PCSK7: variants seen among roughly 807,000 people sequenced by gnomAD.
PCSK7 encodes the protein proprotein convertase subtilisin/kexin type 7.
Under a neutral mutation model 73.3 loss-of-function variants are expected in PCSK7, and 38 were observed. That is an observed-to-expected ratio of 0.52 (90% CI 0.40 to 0.68). The LOEUF (loss-of-function observed/expected upper bound fraction) is 0.68, where lower values mean the gene tolerates loss of function less well. Among genes scored for constraint, PCSK7 ranks in the 30% least tolerant of loss-of-function variants. The pLI is 0.00. For synonymous variants in PCSK7, 296 were observed against 383.8 expected, an observed-to-expected ratio of 0.77 and a Z score of 2.68; for missense variants, 692 against 991.5, an observed-to-expected ratio of 0.70 and a Z score of 4.06.
chr11:117,204,668 CCA>C lies in PCSK7; in HGVS notation c.*1327_*1328del, dbSNP rs1397748388. 2.1e-6 allele frequency: 1 copy of C among 466,276 alleles called. No homozygotes were observed. The highest frequency in any genetic ancestry group is 2.0e-5 in the African/African-American group (1 of 50,966). The allele number at this position is 466,276 out of a possible 1,614,324, so 28.9% of individuals were successfully genotyped here. On this transcript the variant is annotated 3_prime_UTR_variant, in exon 17 of 17. Transcript: ENST00000320934. ...GGGGTAGCCTGGATGTGGGCCAAGT[CCA>C]CTGTCCTCCTTGGCGGCAAAAGCCC...
intron 5 of PCSK7, 68 bp downstream of exon 5, chr11:117,227,089 G>A (rs1179925018): frequency 1.6e-6 from 2 of 1,240,050 alleles, no homozygotes; most frequent in Non-Finnish European, 1.1e-6. Flanking sequence ...GAGTAGGGAG[G>A]GGTGCAGGAA....
chr11:117,207,000 G>C (rs61905530), intron 15 of PCSK7, 67 bp downstream of exon 15: 21 of 1,533,868 alleles, frequency 1.4e-5, no homozygotes, highest in Non-Finnish European at 1.5e-5. Flanking sequence ...TTCAGAGGGC[G>C]ATGGGCTCCC....
intron 12 of PCSK7, chr11:117,215,364 T>TTTTTTTTTTGTGTGTGTGTGTG (rs57433360): frequency 9.4e-5 from 8 of 84,920 alleles, no homozygotes; most frequent in Non-Finnish European, 1.4e-4. Context: ...CCTGGCTAAT[T>TTTTTTTTTTGTGTGTGTGTGTG]TGTGTGTGTG....
chr11:117,227,448 C>T (rs746962422), intron 4 of PCSK7, 126 bp from the exon 5 acceptor site: 3 of 761,514 alleles, frequency 3.9e-6, no homozygotes, highest in South Asian at 3.0e-5. Flanking sequence ...CATTTCTCAT[C>T]GTTTCTGTTT....
In PCSK7 at chr11:117,218,401, A is replaced by C; in HGVS notation, c.1534+65T>G. 2.3e-6 allele frequency: 2 copies of C among 853,254 alleles called. No individual in the cohort carries two copies. 52.9% of individuals were successfully genotyped at this position (853,254 alleles called of 1,614,324 possible). A position where few individuals can be genotyped will look rare whatever the true frequency, so the allele number is the denominator to read the frequency against. ...GAATCTGGCAGGGAGGACGAGTTTA[A>C]CTTCCTTGTCACCCGGCCCCAAACC... On this transcript the variant is annotated intron_variant, in intron 12 of 16. Coordinates refer to ENST00000320934, the MANE Select transcript of PCSK7 (RefSeq NM_004716.4). The surrounding 1 kb of genome is among the most constrained non-coding windows in gnomAD (Gnocchi z 4.0).
chr11:117,204,709 C>A lies in PCSK7; in HGVS notation c.*1288G>T, dbSNP rs921015202. On this transcript the variant is annotated 3_prime_UTR_variant, in exon 17 of 17. Coordinates refer to ENST00000320934, the MANE Select transcript of PCSK7 (RefSeq NM_004716.4). ...CGGCAAAAGCCCATTGAAGAAGAACCAGCCCAGCCTGCCCCCTATCTTGTC... is the reference window on the plus strand; with the variant it reads ...CGGCAAAAGCCCATTGAAGAAGAACAAGCCCAGCCTGCCCCCTATCTTGTC... The A allele has an allele frequency of 2.9e-5, 11 of 381,276 alleles. No individual in the cohort carries two copies. Among genetic ancestry groups the A allele is most frequent in the African/African-American group, 2.1e-4 (10 of 48,292 alleles). The allele number at this position is 381,276 out of a possible 1,614,324, so 23.6% of individuals were successfully genotyped here.
Position 117,205,649 on chromosome 11 carries a change from C to G in PCSK7, c.*348G>C, listed in dbSNP as rs556964286. 1 of 265,066 alleles carries G rather than the reference C, an allele frequency of 3.8e-6. No individual in the cohort carries two copies. Among genetic ancestry groups the G allele is most frequent in the East Asian group, 5.7e-5 (1 of 17,644 alleles). The allele number at this position is 265,066 out of a possible 1,614,324, so 16.4% of individuals were successfully genotyped here. On this transcript the variant is annotated 3_prime_UTR_variant, in exon 17 of 17. Coordinates refer to ENST00000320934, the MANE Select transcript of PCSK7 (RefSeq NM_004716.4). ...GATGCGCTCCTGGCTATGGCAGGCA[C>G]CTTCTCAACTTATATGTGGGAAGGG...
At chr11:117,227,632 G>C (rs544777166) in intron 4 of PCSK7, among the ~76,000 whole-genome samples, 1 of 152,110 alleles carries the variant, frequency 6.6e-6, no homozygotes, top group Admixed American at 6.5e-5. Flanking sequence ...TAGTAGAGAC[G>C]GGGTTTCACC....
intron 6 of PCSK7, chr11:117,225,559 A>C: frequency 4.1e-6 from 1 of 242,938 alleles, no homozygotes; most frequent in Non-Finnish European, 8.1e-6. Flanking sequence ...CTTCTTGTCC[A>C]GTCCAGCACA....
At chr11:117,217,743 C>T (rs1255206487) in intron 12 of PCSK7, 1 of 152,172 alleles carries the variant, frequency 6.6e-6, no homozygotes, top group Admixed American at 6.5e-5. Context: ...TAAATGACTC[C>T]AGGAAAAAGA....
intron 5 of PCSK7, chr11:117,226,349 T>G (rs1175000720): frequency 3.3e-6 from 1 of 304,490 alleles, no homozygotes; most frequent in African/African-American, 2.1e-5. Flanking sequence ...TTGGTCAGGC[T>G]GGTCTCGAAC....
At chr11:117,228,612 CTTT>C (rs751494008) in intron 3 of PCSK7, among the ~76,000 whole-genome samples, 2,396 of 132,082 alleles carry the variant, frequency 0.018, 69 homozygotes, top group African/African-American at 0.063. Flanking sequence ...TGATACACTT[CTTT>C]TTTTTTTTTT....
At chr11:117,231,864 A>G (rs1200359282) in intron 1 of PCSK7, 163 bp downstream of exon 1, 2 of 152,354 alleles carry the variant, frequency 1.3e-5, no homozygotes, top group Non-Finnish European at 2.9e-5. Context: ...TAGCACCCAC[A>G]TTATCCAGGA....
intron 12 of PCSK7, chr11:117,209,664 G>A (rs1241318487): frequency 1.3e-5 from 2 of 154,346 alleles, no homozygotes; most frequent in Non-Finnish European, 2.9e-5. Flanking sequence ...AGCAAATTAT[G>A]TGAGTGAAAA....
At chr11:117,221,225 C>T (rs1445012142) in intron 9 of PCSK7, 1 of 152,182 alleles carries the variant, frequency 6.6e-6, no homozygotes, top group East Asian at 1.9e-4. Context: ...GAGCAGCTGC[C>T]AAGAGATGTA....
Position 117,224,206 on chromosome 11 carries a change from T to C in PCSK7, c.926A>G (p.Gln309Arg). ...CTGGCGACCAGCAATCACCCCATGT[T>C]GTAAGGCAGCCTGAGGAGCCAAAAC... ...GPHQLGKAAL[Q>R]HGVIAGRQGF... The change falls in exon 8 of 17, where the codon CAA becomes CGA. Residue 309 changes from glutamine to arginine, a missense_variant. Physicochemically the swap from Gln to Arg is conservative, Grantham distance 43. Coordinates refer to ENST00000320934, the MANE Select transcript of PCSK7 (RefSeq NM_004716.4). 1 of 1,614,150 alleles carries C rather than the reference T, an allele frequency of 6.2e-7. No individual in the cohort carries two copies.
At chr11:117,215,837 G>GAA in intron 12 of PCSK7, 1 of 151,710 alleles carries the variant, frequency 6.6e-6, no homozygotes, top group East Asian at 2.0e-4. Flanking sequence ...TATAGGCTAG[G>GAA]TATGAGCTAC....
chr11:117,216,935 A>G (rs2032006990), intron 12 of PCSK7: 1 of 152,220 alleles, frequency 6.6e-6, no homozygotes, highest in Non-Finnish European at 1.5e-5. Context: ...CAAAAAAACA[A>G]AAACAAAAAT....
Position 117,218,548 on chromosome 11 carries a change from G to T in PCSK7, c.1452C>A (p.Tyr484Ter). Residue 484 changes from tyrosine (Y) to a stop codon, truncating the protein, a stop_gained, in exon 12 of 17, where the codon TAC becomes TAA. Coordinates refer to ENST00000320934, the MANE Select transcript of PCSK7 (RefSeq NM_004716.4). LOFTEE classifies it high-confidence loss of function. This position sits in a 1 kb window ranked among gnomAD's most constrained non-coding sequence, Gnocchi z 4.0. ...ACACGGGACTGACGTAGGATGCTAA[G>T]TAAGGGACAGATGTCCAGATCTATG... is the stretch of plus-strand genomic sequence containing the variant. The part of the protein sequence containing the change: ...NAAKIWTSVP[Y>*]LASYVSPVLK... The T allele has an allele frequency of 6.2e-7, 1 of 1,605,016 alleles. No homozygotes were observed. The highest frequency in any genetic ancestry group is 8.5e-7 in the Non-Finnish European group (1 of 1,174,094).
Sources: allele counts gnomAD v4.1 joint callset (sites outside exome capture counted in the v4.1 genomes callset), GRCh38; gene constraint gnomAD v4.1.1; non-coding constraint Gnocchi (gnomAD v3.1); transcripts MANE v1.5; gene names NCBI Gene and HGNC (gene_info 2026-07-23, HGNC 2026-07-21).